MAGI2: variants seen among roughly 807,000 people sequenced by gnomAD.
MAGI2 encodes membrane-associated guanylate kinase, WW and PDZ domain-containing protein 2.
In MAGI2, 35 loss-of-function variants were observed where a neutral mutation model predicts 133.3. The ratio of observed to expected loss-of-function variants is 0.26; its 90% CI spans 0.20 to 0.35. The LOEUF (loss-of-function observed/expected upper bound fraction) is 0.35, where lower values mean the gene tolerates loss of function less well. MAGI2 is among the 10% of genes least tolerant of loss of function. MAGI2 has a pLI of 1.00. For missense variants in MAGI2, 1,636 were observed against 1,863.4 expected (o/e 0.88, Z 2.25); for synonymous variants, 729 against 710.6 (o/e 1.03, Z -0.41).
At chr7:78,179,996 A>G (rs1251735184) in intron 13 of MAGI2, among the ~76,000 whole-genome samples, 1 of 152,216 alleles carries the variant, frequency 6.6e-6, no homozygotes, top group Admixed American at 6.5e-5. Flanking sequence ...AGAAGGAGAA[A>G]GACAAGGGGA....
intron 3 of MAGI2, among the ~76,000 whole-genome samples, chr7:78,588,825 T>A (rs1322640313): frequency 6.6e-6 from 1 of 152,134 alleles, no homozygotes; most frequent in Non-Finnish European, 1.5e-5. Context: ...GTGATCAGAT[T>A]TACAAACAGC....
intron 6 of MAGI2, among the ~76,000 whole-genome samples, chr7:78,408,686 T>G (rs1797606087): frequency 6.6e-6 from 1 of 152,022 alleles, no homozygotes; most frequent in African/African-American, 2.4e-5. Context: ...AATTGCGATG[T>G]GCTGAAAAGT....
At chr7:78,580,454 G>A (rs139960123) in intron 3 of MAGI2, among the ~76,000 whole-genome samples, 87 of 151,234 alleles carry the variant, frequency 5.8e-4, no homozygotes, top group African/African-American at 2.0e-3. Context: ...AGTATTTCCT[G>A]TTGATGTGTA....
intron 1 of MAGI2, among the ~76,000 whole-genome samples, chr7:79,360,724 G>A (rs1358428404): frequency 6.6e-6 from 1 of 151,986 alleles, no homozygotes; most frequent in Non-Finnish European, 1.5e-5. Context: ...ACTCAAAAAT[G>A]CTATAAATAA....
At chr7:78,426,557 G>A (rs1249202774) in intron 6 of MAGI2, among the ~76,000 whole-genome samples, 1 of 151,950 alleles carries the variant, frequency 6.6e-6, no homozygotes, top group Non-Finnish European at 1.5e-5. Context: ...GTATACATAT[G>A]TAACTAACCT....
chr7:78,065,186 G>A (rs1017064978), intron 21 of MAGI2, among the ~76,000 whole-genome samples: 4 of 151,968 alleles, frequency 2.6e-5, no homozygotes, highest in Non-Finnish European at 5.9e-5. Flanking sequence ...TCTTTCTATC[G>A]GACACAAAAA....
At chr7:78,972,927 C>G (rs1399468958) in intron 2 of MAGI2, among the ~76,000 whole-genome samples, 7 of 131,254 alleles carry the variant, frequency 5.3e-5, no homozygotes, top group Non-Finnish European at 1.1e-4. Context: ...ATTCTGTGCT[C>G]TTGTTGCTTT....
At chr7:78,190,236 A>G (rs1828075056) in intron 12 of MAGI2, among the ~76,000 whole-genome samples, 2 of 152,210 alleles carry the variant, frequency 1.3e-5, no homozygotes, top group Admixed American at 6.5e-5. Context: ...GAAGGAGTTT[A>G]CTGGGAGTTT....
At chr7:79,344,561 G>C (rs1225272961) in intron 1 of MAGI2, among the ~76,000 whole-genome samples, 1 of 152,092 alleles carries the variant, frequency 6.6e-6, no homozygotes, top group South Asian at 2.1e-4. Flanking sequence ...AGCAAAAATA[G>C]ATATAAACAA....
rs11762617 is a variant in MAGI2, at chr7:79,101,529, T to C, written c.302-94323A>G. On this transcript the variant is annotated intron_variant, in intron 1 of 21. Transcript: ENST00000354212. ...CACGAGGTCAGGAGATCGAGACCATTCTGGCTAACACGGTGAAACCCCGTC... is the reference window on the plus strand; with the variant it reads ...CACGAGGTCAGGAGATCGAGACCATCCTGGCTAACACGGTGAAACCCCGTC... 2.6e-5 allele frequency among the ~76,000 whole-genome samples: 4 copies of C among 151,756 alleles called. No homozygotes were observed. In the South Asian group the frequency reaches 6.2e-4, roughly 24 times the overall value.
At chr7:78,687,193 C>T (rs1256932027) in intron 2 of MAGI2, among the ~76,000 whole-genome samples, 1 of 152,138 alleles carries the variant, frequency 6.6e-6, no homozygotes, top group Non-Finnish European at 1.5e-5. Flanking sequence ...GCAGAGATGA[C>T]TCCTGAGACC....
At chr7:78,695,997 A>G (rs1271474618) in intron 2 of MAGI2, among the ~76,000 whole-genome samples, 1 of 152,086 alleles carries the variant, frequency 6.6e-6, no homozygotes, top group Non-Finnish European at 1.5e-5. Flanking sequence ...GTGCAGTGGC[A>G]TTATCATAGC....
chr7:78,247,760 GAAAACA>G (rs779251296), intron 10 of MAGI2, among the ~76,000 whole-genome samples: 1 of 151,958 alleles, frequency 6.6e-6, no homozygotes, highest in African/African-American at 2.4e-5. Context: ...AATCAGAGGG[GAAAACA>G]AAAACAAAAA....
intron 2 of MAGI2, among the ~76,000 whole-genome samples, chr7:78,989,593 C>T (rs947280321): frequency 6.6e-6 from 1 of 152,040 alleles, no homozygotes; most frequent in Admixed American, 6.6e-5. Flanking sequence ...TCTTTTTCTA[C>T]TCTTTCTTGT....
intron 14 of MAGI2, among the ~76,000 whole-genome samples, chr7:78,173,990 CT>C (rs968219011): frequency 1.3e-5 from 2 of 152,012 alleles, no homozygotes; most frequent in Non-Finnish European, 2.9e-5. Flanking sequence ...ACTGGGGGAA[CT>C]AAAAAAAACA....
chr7:78,040,290 A>G (rs1211153751), intron 21 of MAGI2, among the ~76,000 whole-genome samples: 6 of 152,112 alleles, frequency 3.9e-5, no homozygotes, highest in Non-Finnish European at 7.4e-5. Context: ...GGCCGGAGTG[A>G]GAGCTGAATT....
At chr7:78,182,083 A>C (rs1390312563) in intron 13 of MAGI2, among the ~76,000 whole-genome samples, 3 of 152,206 alleles carry the variant, frequency 2.0e-5, no homozygotes, top group African/African-American at 7.2e-5. Context: ...TCATGTTTTA[A>C]TTAAAACATA....
At chr7:78,203,446 G>A (rs1349520432) in intron 10 of MAGI2, among the ~76,000 whole-genome samples, 1 of 152,172 alleles carries the variant, frequency 6.6e-6, no homozygotes. Context: ...CAAGGAGAGG[G>A]GGCGTTTAAT....
intron 1 of MAGI2, among the ~76,000 whole-genome samples, chr7:79,039,191 C>T (rs1255851775): frequency 6.6e-6 from 1 of 151,792 alleles, no homozygotes; most frequent in Non-Finnish European, 1.5e-5. Flanking sequence ...TTATAAGGGG[C>T]TTTCCCCACC....
Sources: allele counts gnomAD v4.1 joint callset (sites outside exome capture counted in the v4.1 genomes callset), GRCh38; gene constraint gnomAD v4.1.1; transcripts MANE v1.5; gene names NCBI Gene and HGNC (gene_info 2026-07-23, HGNC 2026-07-21).